Variants in TRIO observed in about 807,000 individuals in gnomAD.
TRIO encodes triple functional domain protein.
In TRIO, 58 loss-of-function variants were observed where a neutral mutation model predicts 351.9. The ratio of observed to expected loss-of-function variants is 0.16; its 90% CI spans 0.13 to 0.21. The LOEUF (loss-of-function observed/expected upper bound fraction) is 0.21, where lower values mean the gene tolerates loss of function less well. Ranked by LOEUF, TRIO falls within the 10% of genes least tolerant of loss-of-function variation. The probability of loss-of-function intolerance (pLI) is 1.00; values close to 1 mark genes in which losing one functional copy is unlikely to be tolerated. For synonymous variants in TRIO, 1,758 were observed against 1,595.7 expected (o/e 1.10, Z -2.42); for missense variants, 3,201 against 4,027.8 (o/e 0.79, Z 5.56).
chr5:14,434,546 A>C lies in TRIO; in HGVS notation c.5203+14525A>C, dbSNP rs377452453. ...TTTGGACCTACAGAAAAGTGACAAA[A>C]ATAGTTCAGAGAATTTCTGTACACC... On this transcript the variant is annotated intron_variant, in intron 34 of 56. Transcript: ENST00000344204. Among the ~76,000 whole-genome samples, 46 of 152,324 alleles carry C rather than the reference A, an allele frequency of 3.0e-4. No individual in the cohort carries two copies. The East Asian group carries it at 8.3e-3, about 27-fold the overall frequency.
At chr5:14,361,721 G>A (rs976661654) in intron 13 of TRIO, among the ~76,000 whole-genome samples, 1 of 152,242 alleles carries the variant, frequency 6.6e-6, no homozygotes, top group African/African-American at 2.4e-5. Flanking sequence ...CTCCTGTGGA[G>A]AAGGTGCATA....
intron 1 of TRIO, among the ~76,000 whole-genome samples, chr5:14,250,461 G>C (rs1794676742): frequency 6.6e-6 from 1 of 152,216 alleles, no homozygotes; most frequent in African/African-American, 2.4e-5. Context: ...AAAATGACCA[G>C]AGTAGCCTCT....
At chr5:14,481,198 G>T in intron 43 of TRIO, 36 bp from the exon 44 acceptor site, 1 of 1,589,308 alleles carries the variant, frequency 6.3e-7, no homozygotes, top group South Asian at 1.2e-5. Context: ...TGTTGTCTTT[G>T]TCACCATTAT....
chr5:14,369,574 C>G, intron 18 of TRIO, 51 bp downstream of exon 18: 1 of 1,553,440 alleles, frequency 6.4e-7, no homozygotes, highest in South Asian at 1.2e-5. Flanking sequence ...TCCTGCCTGC[C>G]AGGTGCGCGT....
intron 1 of TRIO, among the ~76,000 whole-genome samples, chr5:14,255,792 G>A (rs1406124840): frequency 6.6e-6 from 1 of 152,174 alleles, no homozygotes; most frequent in Non-Finnish European, 1.5e-5. Context: ...CATTAGGTCA[G>A]GTGTGGAATT....
chr5:14,343,105 A>G (rs10038074), intron 11 of TRIO, among the ~76,000 whole-genome samples: 1,512 of 124,544 alleles, frequency 0.012, 21 homozygotes, highest in African/African-American at 0.035. Flanking sequence ...AAAAAAAAAA[A>G]AGAGAGAGAA....
At position 14,387,792 on chromosome 5, in the gene TRIO, C is replaced by G; in HGVS notation, c.3826C>G (p.Arg1276Gly). Reference protein sequence around the residue: ...ASIPGSEVKLRDAAHELNEEK... With the variant: ...ASIPGSEVKLGDAAHELNEEK... ...TATCCCTGGCTCAGAGGTGAAACTTCGAGATGCTGCTCATGAACTTAATGA... is the reference window on the plus strand; with the variant it reads ...TATCCCTGGCTCAGAGGTGAAACTTGGAGATGCTGCTCATGAACTTAATGA... Residue 1276 changes from arginine to glycine, a missense_variant, in exon 23 of 57, where the codon CGA (arginine) becomes GGA (glycine). Physicochemically the swap from Arg to Gly is moderately radical, Grantham distance 125. This residue lies in a region of TRIO where 201 missense variants were observed against 266.5 expected (regional missense o/e 0.75). Coordinates refer to ENST00000344204, the MANE Select transcript of TRIO (RefSeq NM_007118.4). 6.2e-7 allele frequency: 1 copy of G among 1,614,196 alleles called. No individual in the cohort carries two copies. The highest frequency in any genetic ancestry group is 8.5e-7 in the Non-Finnish European group (1 of 1,180,034).
intron 28 of TRIO, among the ~76,000 whole-genome samples, chr5:14,394,790 C>T (rs894167995): frequency 1.3e-5 from 2 of 152,072 alleles, no homozygotes; most frequent in African/African-American, 4.8e-5. Flanking sequence ...TTAGTCTTGA[C>T]AATAGAAAGG....
chr5:14,181,345 A>G (rs1196678874), intron 1 of TRIO, among the ~76,000 whole-genome samples: 1 of 152,210 alleles, frequency 6.6e-6, no homozygotes, highest in Non-Finnish European at 1.5e-5. Flanking sequence ...GTTGAAACTA[A>G]AATTGTTGTG....
chr5:14,355,690 A>ATG (rs1579413001), intron 11 of TRIO, among the ~76,000 whole-genome samples: 2 of 152,264 alleles, frequency 1.3e-5, no homozygotes, highest in East Asian at 1.9e-4. Context: ...CTATTTATAA[A>ATG]TGCAACTGCC....
chr5:14,443,965 G>A (rs1050290077), intron 34 of TRIO, among the ~76,000 whole-genome samples: 4 of 152,078 alleles, frequency 2.6e-5, no homozygotes, highest in East Asian at 1.9e-4. Flanking sequence ...AGTGCTATAC[G>A]TATTCCCCTG....
chr5:14,368,590 T>G, intron 16 of TRIO, 118 bp from the exon 17 acceptor site: 2 of 1,127,126 alleles, frequency 1.8e-6, no homozygotes, highest in South Asian at 1.6e-5. Context: ...CTAGTGAGTA[T>G]TAACTGAAGG....
intron 34 of TRIO, among the ~76,000 whole-genome samples, chr5:14,424,525 T>C (rs1750476332): frequency 6.6e-6 from 1 of 152,288 alleles, no homozygotes; most frequent in South Asian, 2.1e-4. Context: ...AACCTTTTGC[T>C]TGTGGGTGAC....
intron 1 of TRIO, among the ~76,000 whole-genome samples, chr5:14,259,840 C>G (rs1176869404): frequency 6.6e-6 from 1 of 151,068 alleles, no homozygotes; most frequent in Non-Finnish European, 1.5e-5. Context: ...TACGGGGGTT[C>G]TTAGACTGCT....
At chr5:14,168,402 A>G (rs1407788241) in intron 1 of TRIO, among the ~76,000 whole-genome samples, 2 of 152,268 alleles carry the variant, frequency 1.3e-5, no homozygotes, top group Non-Finnish European at 2.9e-5. Context: ...CTACAAGTAC[A>G]TTACTCATAT....
At chr5:14,216,417 CA>C (rs374990569) in intron 1 of TRIO, among the ~76,000 whole-genome samples, 11 of 152,288 alleles carry the variant, frequency 7.2e-5, no homozygotes, top group African/African-American at 2.4e-4. Context: ...TGTGGTGTTT[CA>C]AACAACAAGG....
intron 37 of TRIO, among the ~76,000 whole-genome samples, chr5:14,467,863 C>T (rs1489344833): frequency 1.3e-5 from 2 of 152,126 alleles, no homozygotes; most frequent in Admixed American, 1.3e-4. Context: ...CTGAGTTCAG[C>T]TACATCCTTG....
intron 15 of TRIO, 44 bp downstream of exon 15, chr5:14,364,860 C>T (rs1372868882): frequency 1.9e-6 from 3 of 1,564,926 alleles, no homozygotes; most frequent in Non-Finnish European, 2.6e-6. Context: ...GCTACAGATG[C>T]TTGATACCTC....
intron 1 of TRIO, among the ~76,000 whole-genome samples, chr5:14,191,149 C>T (rs1790434217): frequency 6.6e-6 from 1 of 152,154 alleles, no homozygotes; most frequent in African/African-American, 2.4e-5. Flanking sequence ...GGTCTGGTTC[C>T]TACCTAGTGG....
Sources: gnomAD v4.1 joint callset for allele counts (sites outside exome capture counted in the v4.1 genomes callset) on GRCh38, gnomAD v4.1.1 for gene constraint, gnomAD v4.1.1 regional missense constraint, MANE v1.5 for transcripts, NCBI Gene and HGNC (gene_info 2026-07-23, HGNC 2026-07-21) for gene names.